Variants in CREBBP observed in about 807,000 individuals in gnomAD.
The protein encoded by CREBBP is CREB binding lysine acetyltransferase, also known as CREB-binding protein.
A neutral mutation model predicts 265.0 loss-of-function variants in CREBBP; 19 were observed. The ratio of observed to expected loss-of-function variants is 0.07; its 90% CI spans 0.05 to 0.11. The LOEUF is 0.11. CREBBP is among the 10% of genes least tolerant of loss of function. The pLI, the probability that CREBBP is intolerant of heterozygous loss-of-function variation, is 1.00. For synonymous variants in CREBBP, 1,457 were observed against 1,223.7 expected (o/e 1.19, Z -3.98); for missense variants, 2,525 against 3,219.0 (o/e 0.78, Z 5.22).
chr16:3,768,524 T>C (rs2052920709), intron 15 of CREBBP, among the ~76,000 whole-genome samples: 1 of 152,158 alleles, frequency 6.6e-6, no homozygotes, highest in Non-Finnish European at 1.5e-5. Flanking sequence ...TATTTCTAAT[T>C]TGGAATAAAA....
intron 3 of CREBBP, among the ~76,000 whole-genome samples, chr16:3,798,996 A>G (rs1300057550): frequency 6.6e-6 from 1 of 152,246 alleles, no homozygotes; most frequent in Non-Finnish European, 1.5e-5. Context: ...ATATTATTCA[A>G]CCGTAAAAAG....
At position 3,820,336 on chromosome 16, in the gene CREBBP, G is replaced by GT. The variant is rs1290108118; in HGVS notation, c.799-9558_799-9557insA. 5.9e-5 allele frequency among the ~76,000 whole-genome samples: 9 copies of GT among 152,340 alleles called. No individual in the cohort carries two copies. In the East Asian group the frequency reaches 1.7e-3, roughly 29 times the overall value. On this transcript the variant is annotated intron_variant, in intron 2 of 30. Transcript: ENST00000262367. ...ATAGAGTAAGGAGAAATACGCCACT[G>GT]ATTACAGTGCCACAGACAGCACTTG... is the stretch of plus-strand genomic sequence containing the variant.
intron 2 of CREBBP, among the ~76,000 whole-genome samples, chr16:3,820,019 C>T (rs2054111671): frequency 6.6e-6 from 1 of 152,110 alleles, no homozygotes; most frequent in South Asian, 2.1e-4. Flanking sequence ...TGTAAAACCA[C>T]AAATTCATAT....
chr16:3,757,154 G>A (rs181193431), intron 19 of CREBBP, 134 bp downstream of exon 19: 23 of 752,040 alleles, frequency 3.1e-5, no homozygotes, highest in South Asian at 1.8e-4. Context: ...GATTACAGGC[G>A]TGAGCCACCA....
At chr16:3,798,203 CG>C (rs2053644569) in intron 3 of CREBBP, among the ~76,000 whole-genome samples, 1 of 152,158 alleles carries the variant, frequency 6.6e-6, no homozygotes, top group Non-Finnish European at 1.5e-5. Context: ...AACACTTCAA[CG>C]TAAGAGTGAC....
At chr16:3,779,002 A>C (rs1322740013) in intron 8 of CREBBP, among the ~76,000 whole-genome samples, 185 bp from the exon 9 acceptor site, 2 of 151,950 alleles carry the variant, frequency 1.3e-5, no homozygotes, top group African/African-American at 4.8e-5. Flanking sequence ...TCCCGTCTCT[A>C]CTAAAAATAC....
intron 20 of CREBBP, among the ~76,000 whole-genome samples, chr16:3,751,326 G>C (rs1210185924): frequency 6.6e-6 from 1 of 152,030 alleles, no homozygotes; most frequent in Non-Finnish European, 1.5e-5. Flanking sequence ...CAACACAACA[G>C]ACTGTAATCC....
intron 2 of CREBBP, among the ~76,000 whole-genome samples, chr16:3,813,903 G>A (rs1252907265): frequency 6.6e-6 from 1 of 152,174 alleles, no homozygotes; most frequent in Non-Finnish European, 1.5e-5. Context: ...GGTGGGGAAG[G>A]GAACAGGTAA....
At chr16:3,745,776 C>T (rs1807234469) in intron 21 of CREBBP, 1 of 307,204 alleles carries the variant, frequency 3.3e-6, no homozygotes, top group African/African-American at 2.2e-5. Flanking sequence ...AACATGTGCT[C>T]TTAAGTCTAA....
intron 6 of CREBBP, among the ~76,000 whole-genome samples, chr16:3,781,880 C>T (rs1186883596): frequency 6.6e-6 from 1 of 152,106 alleles, no homozygotes; most frequent in Non-Finnish European, 1.5e-5. Context: ...AGTCTCCTGG[C>T]CAGTATTAGT....
intron 2 of CREBBP, 83 bp downstream of exon 2, chr16:3,850,214 C>T: frequency 7.2e-7 from 1 of 1,394,056 alleles, no homozygotes; most frequent in Non-Finnish European, 1.0e-6. Flanking sequence ...CAGGAGTGGG[C>T]CACGTGGTCC....
intron 2 of CREBBP, among the ~76,000 whole-genome samples, chr16:3,812,313 G>T (rs1352285528): frequency 6.6e-6 from 1 of 151,796 alleles, no homozygotes; most frequent in Non-Finnish European, 1.5e-5. Context: ...TGAGTAGCTG[G>T]GATTATGGGC....
intron 1 of CREBBP, among the ~76,000 whole-genome samples, chr16:3,858,709 C>G (rs754660058): frequency 6.6e-6 from 1 of 152,192 alleles, no homozygotes; most frequent in Non-Finnish European, 1.5e-5. Context: ...TTTCTGAAAA[C>G]AGAAACAATA....
chr16:3,861,823 C>T (rs1215943113), intron 1 of CREBBP, among the ~76,000 whole-genome samples: 2 of 151,328 alleles, frequency 1.3e-5, no homozygotes, highest in Non-Finnish European at 2.9e-5. Flanking sequence ...TAAAATCTTC[C>T]GTAATTCAGG....
intron 5 of CREBBP, among the ~76,000 whole-genome samples, chr16:3,785,875 T>C (rs1437247820): frequency 6.6e-6 from 1 of 152,188 alleles, no homozygotes; most frequent in East Asian, 1.9e-4. Flanking sequence ...TCTGGGCCCA[T>C]CAGGCAACAC....
At chr16:3,820,671 C>A (rs1223287560) in intron 2 of CREBBP, among the ~76,000 whole-genome samples, 1 of 152,124 alleles carries the variant, frequency 6.6e-6, no homozygotes, top group Non-Finnish European at 1.5e-5. Flanking sequence ...TGAGACCAAC[C>A]TGGGCAACGT....
chr16:3,740,264 G>A (rs964599973), intron 24 of CREBBP, 135 bp downstream of exon 24: 17 of 984,524 alleles, frequency 1.7e-5, no homozygotes, highest in Non-Finnish European at 2.3e-5. Flanking sequence ...CGCAGCTGAG[G>A]GGGCTACTGC....
chr16:3,761,650 C>T (rs746708479), intron 16 of CREBBP: 13 of 505,114 alleles, frequency 2.6e-5, no homozygotes, highest in South Asian at 8.6e-5. Flanking sequence ...GCCTGAGGTC[C>T]GGGCAACCAG....
chr16:3,753,355 A>G (rs1181299515), intron 19 of CREBBP, among the ~76,000 whole-genome samples: 1 of 152,256 alleles, frequency 6.6e-6, no homozygotes, highest in African/African-American at 2.4e-5. Flanking sequence ...CAAATTTTAA[A>G]GCATACAACT....
Sources: allele counts gnomAD v4.1 joint callset (sites outside exome capture counted in the v4.1 genomes callset), GRCh38; gene constraint gnomAD v4.1.1; transcripts MANE v1.5; gene names NCBI Gene and HGNC (gene_info 2026-07-23, HGNC 2026-07-21).